DGLUCY: variants seen among roughly 807,000 people sequenced by gnomAD.
The protein encoded by DGLUCY is D-glutamate cyclase.
DGLUCY carries 58 observed loss-of-function variants against 58.5 expected under a neutral mutation model. The observed-to-expected ratio is 0.99, with a 90% CI of 0.80 to 1.23. The LOEUF (loss-of-function observed/expected upper bound fraction) is 1.23, where lower values mean the gene tolerates loss of function less well. Ranked by LOEUF, DGLUCY falls within the 50% of genes most tolerant of loss-of-function variation. The pLI is 0.00. For missense variants in DGLUCY, 779 were observed against 784.7 expected (o/e 0.99, Z 0.09); for synonymous variants, 325 against 314.1 (o/e 1.03, Z -0.37).
chr14:91,187,480 TC>T (rs2049595037), intron 8 of DGLUCY, among the ~76,000 whole-genome samples: 1 of 152,216 alleles, frequency 6.6e-6, no homozygotes, highest in Non-Finnish European at 1.5e-5. Flanking sequence ...CAATGGGACC[TC>T]ATGAGGGCGG....
chr14:91,203,089 G>C (rs1386573502), intron 11 of DGLUCY, among the ~76,000 whole-genome samples: 1 of 152,214 alleles, frequency 6.6e-6, no homozygotes, highest in Non-Finnish European at 1.5e-5. Context: ...GGGACTGCCA[G>C]CTCTATACAG....
chr14:91,066,095 C>T (rs143236423), intron 1 of DGLUCY, among the ~76,000 whole-genome samples: 55 of 152,262 alleles, frequency 3.6e-4, no homozygotes, highest in South Asian at 1.0e-3. Flanking sequence ...CTGACTTTAT[C>T]CACTGGGCGT....
intron 1 of DGLUCY, among the ~76,000 whole-genome samples, chr14:91,078,384 C>A (rs2044066419): frequency 6.6e-6 from 1 of 152,214 alleles, no homozygotes; most frequent in South Asian, 2.1e-4. Context: ...CATTTACTTT[C>A]AAGGAACTTG....
At chr14:91,170,415 C>A (rs570159841) in intron 5 of DGLUCY, among the ~76,000 whole-genome samples, 1 of 152,320 alleles carries the variant, frequency 6.6e-6, no homozygotes, top group South Asian at 2.1e-4. Context: ...CTGTGAGCAC[C>A]CAGTGTGGCC....
intron 7 of DGLUCY, among the ~76,000 whole-genome samples, chr14:91,180,515 T>G (rs1218111782): frequency 1.4e-5 from 2 of 146,264 alleles, no homozygotes; most frequent in Non-Finnish European, 3.0e-5. Flanking sequence ...GAGGTTGCAG[T>G]GAGCCAAGAT....
chr14:91,064,556 G>A lies in DGLUCY; in HGVS notation c.-82+3852G>A, dbSNP rs183625217. Among the ~76,000 whole-genome samples the A allele has an allele frequency of 6.2e-4, 92 of 148,950 alleles. 1 individual carries two copies. The Middle Eastern group carries it at 0.014, about 22-fold the overall frequency. On this transcript the variant is annotated intron_variant, in intron 1 of 4. Transcript: ENST00000521334. ...GAAAATCACTGGAACCCAGGAGGCA[G>A]AGGTTGCAGTGAGCTGAGATCGCAT...
chr14:91,160,311 A>T lies in DGLUCY; in HGVS notation c.17A>T (p.His6Leu). The T allele has an allele frequency of 1.9e-6, 3 of 1,611,912 alleles. No homozygotes were observed. The highest frequency in any genetic ancestry group is 2.5e-6 in the Non-Finnish European group (3 of 1,179,228). The change falls in exon 3 of 14, where the codon CAC becomes CTC. Residue 6 changes from histidine to leucine, a missense_variant. Physicochemically the swap from His to Leu is moderately conservative, Grantham distance 99. Coordinates refer to ENST00000256324, the MANE Select transcript of DGLUCY (RefSeq NM_001102368.3). The part of the protein sequence containing the change: MPFTL[H>L]LRSRLPSAIR... The stretch of plus-strand genomic sequence containing the variant: ...GTTGACACGATGCCCTTCACACTCC[A>T]CCTGAGGTCCCGCCTTCCCTCTGCC...
At chr14:91,113,866 C>G (rs1465899161), upstream of DGLUCY, among the ~76,000 whole-genome samples, 2 of 152,220 alleles carry the variant, frequency 1.3e-5, no homozygotes, top group Non-Finnish European at 2.9e-5. Context: ...ACCCCTAGAT[C>G]AATTACATCT....
intron 8 of DGLUCY, among the ~76,000 whole-genome samples, chr14:91,187,303 C>T (rs1007568462): frequency 6.6e-6 from 1 of 152,156 alleles, no homozygotes; most frequent in Admixed American, 6.5e-5. Flanking sequence ...CAGCCAACCC[C>T]GTGTCTTTCA....
intron 9 of DGLUCY, among the ~76,000 whole-genome samples, chr14:91,189,975 GTTCTTTT>G (rs571130234): frequency 7.8e-6 from 1 of 128,740 alleles, no homozygotes; most frequent in Non-Finnish European, 1.6e-5. Context: ...ACTCTGTTAG[GTTCTTTT>G]TTTTTTTTTT....
intron 8 of DGLUCY, among the ~76,000 whole-genome samples, chr14:91,185,911 C>T (rs980763077): frequency 1.3e-5 from 2 of 152,122 alleles, no homozygotes; most frequent in Admixed American, 6.6e-5. Flanking sequence ...ATCTTTAATC[C>T]TCAAGAACAA....
intron 1 of DGLUCY, among the ~76,000 whole-genome samples, chr14:91,085,025 C>T (rs2140054046): frequency 6.6e-6 from 1 of 152,076 alleles, no homozygotes; most frequent in South Asian, 2.1e-4. Context: ...AGTTCAAGAC[C>T]AGCCTGGGCA....
chr14:91,185,252 AG>A (rs1360220993), intron 8 of DGLUCY, among the ~76,000 whole-genome samples: 1 of 131,504 alleles, frequency 7.6e-6, no homozygotes, highest in Non-Finnish European at 1.6e-5. Context: ...TACAGGTGTG[AG>A]CCACCGTGCC....
intron 1 of DGLUCY, among the ~76,000 whole-genome samples, chr14:91,093,075 C>A (rs1474717770): frequency 2.1e-5 from 3 of 142,924 alleles, no homozygotes; most frequent in Admixed American, 7.1e-5. Context: ...CAGAGTGAAA[C>A]TCAGTCTCAA....
chr14:91,144,317 T>C (rs574641415), intron 1 of DGLUCY, among the ~76,000 whole-genome samples: 206 of 152,210 alleles, frequency 1.4e-3, no homozygotes, highest in African/African-American at 4.6e-3. Flanking sequence ...CCCAGGACTT[T>C]GGGAGGCTGA....
chr14:91,162,638 T>C (rs558527057), intron 3 of DGLUCY, among the ~76,000 whole-genome samples: 1 of 152,206 alleles, frequency 6.6e-6, no homozygotes, highest in African/African-American at 2.4e-5. Context: ...GGCGCACGCC[T>C]GTAATCCCAG....
rs867294958 is a variant in DGLUCY at position 91,188,967 on chromosome 14, C to T, written c.992C>T (p.Ser331Leu). 22 of 1,614,212 alleles carry T rather than the reference C, an allele frequency of 1.4e-5. No homozygotes were observed. Among genetic ancestry groups the T allele is most frequent in the African/African-American group, 9.3e-5 (7 of 75,062 alleles). ...CKDELLKASL[S>L]LSHARSVLIT... is the part of the protein sequence containing the mutation. Reference sequence around the variant, plus strand: ...GATGAGCTGCTGAAGGCCTCTCTCTCGCTGTCCCATGCCCGCTCAGTGCTC... The same window carrying T: ...GATGAGCTGCTGAAGGCCTCTCTCTTGCTGTCCCATGCCCGCTCAGTGCTC... The change falls in exon 9 of 14, where the codon TCG becomes TTG. Residue 331 changes from serine to leucine, a missense_variant. Physicochemically the swap from Ser to Leu is moderately radical, Grantham distance 145. Transcript: ENST00000256324.
intron 12 of DGLUCY, among the ~76,000 whole-genome samples, chr14:91,212,429 C>T (rs1036920807): frequency 6.6e-6 from 1 of 152,206 alleles, no homozygotes; most frequent in Admixed American, 6.5e-5. Flanking sequence ...ATAGTACTTA[C>T]ACCTCACAAG....
At chr14:91,066,390 A>G (rs1194993408) in intron 1 of DGLUCY, among the ~76,000 whole-genome samples, 1 of 51,004 alleles carries the variant, frequency 2.0e-5, no homozygotes, top group Non-Finnish European at 4.1e-5. Flanking sequence ...AAAAAAAAGA[A>G]AAAAAAAAAA....
Sources: gnomAD v4.1 joint callset for allele counts (sites outside exome capture counted in the v4.1 genomes callset) on GRCh38, gnomAD v4.1.1 for gene constraint, MANE v1.5 for transcripts, NCBI Gene and HGNC (gene_info 2026-07-23, HGNC 2026-07-21) for gene names.